Variants in FAM174B observed in about 807,000 individuals in gnomAD.
The protein encoded by FAM174B is membrane protein FAM174B.
FAM174B carries 12 observed loss-of-function variants against 10.9 expected under a neutral mutation model. That is an observed-to-expected ratio of 1.10 (90% CI 0.71 to 1.79). The LOEUF (loss-of-function observed/expected upper bound fraction) is 1.79. Among genes scored for constraint, FAM174B ranks in the 40% most tolerant of loss-of-function variants. The pLI, the probability that FAM174B is intolerant of heterozygous loss-of-function variation, is 0.00. For synonymous variants in FAM174B, 132 were observed against 115.8 expected, an observed-to-expected ratio of 1.14 and a Z score of -0.90; for missense variants, 266 against 233.3, an observed-to-expected ratio of 1.14 and a Z score of -0.91.
At chr15:92,652,079 A>G (rs1266104785) in intron 1 of FAM174B, among the ~76,000 whole-genome samples, 1 of 152,246 alleles carries the variant, frequency 6.6e-6, no homozygotes. Flanking sequence ...GAGAGACATC[A>G]GCAATGTAAA....
chr15:92,632,117 G>C (rs1336487672), intron 1 of FAM174B, among the ~76,000 whole-genome samples: 1 of 152,202 alleles, frequency 6.6e-6, no homozygotes, highest in African/African-American at 2.4e-5. Context: ...AATTAAATAC[G>C]CTACATCATT....
intron 1 of FAM174B, among the ~76,000 whole-genome samples, chr15:92,647,808 A>C (rs1395155813): frequency 6.6e-6 from 1 of 152,212 alleles, no homozygotes; most frequent in Admixed American, 6.5e-5. Context: ...ATCTTCATTA[A>C]TGCAGCTAGG....
chr15:92,619,838 C>A (rs1248220636), intron 2 of FAM174B: 10 of 266,086 alleles, frequency 3.8e-5, no homozygotes, highest in Non-Finnish European at 7.2e-6. Context: ...ACGGTGATAA[C>A]TCCTCAACCC....
chr15:92,625,801 A>G (rs1435689801), intron 2 of FAM174B, among the ~76,000 whole-genome samples: 1 of 152,260 alleles, frequency 6.6e-6, no homozygotes, highest in Non-Finnish European at 1.5e-5. Flanking sequence ...CTGTAATAAG[A>G]AAAGCCAGCA....
At chr15:92,625,688 C>G (rs945654420) in intron 2 of FAM174B, among the ~76,000 whole-genome samples, 2 of 152,186 alleles carry the variant, frequency 1.3e-5, no homozygotes, top group African/African-American at 4.8e-5. Flanking sequence ...AGTTTCACAT[C>G]TATATACTCA....
rs139607116 is a variant in FAM174B at position 92,632,283 on chromosome 15, G to A, written c.345-1938C>T. Reference sequence around the variant, plus strand: ...CTCTCGGCCGGGTGCGGTGGCTCACGCCTGTAATCCTAGCACTTTGGGAGG... The same window carrying A: ...CTCTCGGCCGGGTGCGGTGGCTCACACCTGTAATCCTAGCACTTTGGGAGG... On this transcript the variant is annotated intron_variant, in intron 1 of 2. Coordinates refer to ENST00000327355, the MANE Select transcript of FAM174B (RefSeq NM_207446.3). Among the ~76,000 whole-genome samples the A allele has an allele frequency of 9.5e-3, 1,444 of 152,260 alleles. 36 individuals carry two copies. The highest frequency in any genetic ancestry group is 0.032 in the African/African-American group (1,350 of 41,546).
chr15:92,636,728 G>C (rs546192066), intron 1 of FAM174B, among the ~76,000 whole-genome samples: 1 of 152,184 alleles, frequency 6.6e-6, no homozygotes, highest in Admixed American at 6.5e-5. Flanking sequence ...GGGTGCTCCA[G>C]CTGAGACCTC....
intron 1 of FAM174B, among the ~76,000 whole-genome samples, chr15:92,641,659 T>G (rs2050892864): frequency 6.6e-6 from 1 of 151,874 alleles, no homozygotes; most frequent in Non-Finnish European, 1.5e-5. Flanking sequence ...AAAAATTACC[T>G]CAAAATGGAA....
intron 2 of FAM174B, among the ~76,000 whole-genome samples, chr15:92,620,829 A>AT (rs1203158426): frequency 2.0e-5 from 3 of 151,384 alleles, no homozygotes; most frequent in Non-Finnish European, 4.4e-5. Context: ...AAAAAAAAAA[A>AT]AAAAAAAAAC....
intron 1 of FAM174B, 61 bp from the exon 2 acceptor site, chr15:92,630,406 C>G: frequency 2.0e-6 from 3 of 1,527,070 alleles, no homozygotes; most frequent in Non-Finnish European, 2.7e-6. Flanking sequence ...CACTGGGCCC[C>G]AAGCCCCAGA....
intron 1 of FAM174B, among the ~76,000 whole-genome samples, chr15:92,647,225 G>A (rs2050934280): frequency 6.6e-6 from 1 of 152,164 alleles, no homozygotes; most frequent in South Asian, 2.1e-4. Flanking sequence ...AGCAAAGCTT[G>A]CTTCACCCAT....
Position 92,617,885 on chromosome 15 carries a change from A to G in FAM174B, c.*1571T>C, listed in dbSNP as rs766910755. On this transcript the variant is annotated 3_prime_UTR_variant, in exon 3 of 3. Transcript: ENST00000327355. Reference sequence around the variant, plus strand: ...ACACGCAGGCCCCCCGTGGCTGGCAATACCATGCGTGCTGGGCCGGCTGCG... The same window carrying G: ...ACACGCAGGCCCCCCGTGGCTGGCAGTACCATGCGTGCTGGGCCGGCTGCG... 59 of 454,990 alleles carry G rather than the reference A, an allele frequency of 1.3e-4. No individual in the cohort carries two copies. Among genetic ancestry groups the G allele is most frequent in the Non-Finnish European group, 2.2e-4 (57 of 259,854 alleles). The allele number at this position is 454,990 out of a possible 1,614,324, so 28.2% of individuals were successfully genotyped here. A position where few individuals can be genotyped will look rare whatever the true frequency, so the allele number is the denominator to read the frequency against.
At chr15:92,635,090 C>T (rs893086716) in intron 1 of FAM174B, among the ~76,000 whole-genome samples, 6 of 146,108 alleles carry the variant, frequency 4.1e-5, no homozygotes, top group Non-Finnish European at 6.1e-5. Context: ...TGATTCCTTA[C>T]GATAAGCCTC....
At chr15:92,649,225 G>T (rs1212337818) in intron 1 of FAM174B, among the ~76,000 whole-genome samples, 1 of 152,228 alleles carries the variant, frequency 6.6e-6, no homozygotes, top group African/African-American at 2.4e-5. Context: ...TTAAATTAAA[G>T]AGGGATTTTC....
At chr15:92,638,687 G>T (rs1398148938) in intron 1 of FAM174B, among the ~76,000 whole-genome samples, 3 of 152,164 alleles carry the variant, frequency 2.0e-5, no homozygotes, top group African/African-American at 7.2e-5. Flanking sequence ...TTCCTGCCAG[G>T]TGTGGTCCGG....
At position 92,631,327 on chromosome 15, in the gene FAM174B, TAATATATTA is replaced by T. The variant is rs1567045313; in HGVS notation, c.345-991_345-983del. 3.8e-3 allele frequency among the ~76,000 whole-genome samples: 13 copies of T among 3,442 alleles called. 1 individual carries two copies. Among genetic ancestry groups the T allele is most frequent in the Non-Finnish European group, 8.2e-3 (12 of 1,458 alleles). The allele number at this position is 3,442 out of a possible 152,430, so 2.3% of individuals were successfully genotyped here. A position where few individuals can be genotyped will look rare whatever the true frequency, so the allele number is the denominator to read the frequency against. On this transcript the variant is annotated intron_variant, in intron 1 of 2. Coordinates refer to ENST00000327355, the MANE Select transcript of FAM174B (RefSeq NM_207446.3). ...AATATATTATATATAATATTATATA[TAATATATTA>T]TATATTATATATAATATATTATATA...
chr15:92,628,889 A>G (rs969925065), intron 2 of FAM174B, among the ~76,000 whole-genome samples: 1 of 152,270 alleles, frequency 6.6e-6, no homozygotes, highest in Admixed American at 6.5e-5. Flanking sequence ...ATTTATACAT[A>G]AATTTTTTAA....
At chr15:92,646,729 C>T (rs566729842) in intron 1 of FAM174B, among the ~76,000 whole-genome samples, 9 of 152,340 alleles carry the variant, frequency 5.9e-5, no homozygotes, top group Admixed American at 1.3e-4. Context: ...TTGGTCTCCA[C>T]ACCCACTTAT....
rs1431803913 is a variant in FAM174B at position 92,650,151 on chromosome 15, T to C, written c.344+5165A>G. The stretch of plus-strand genomic sequence containing the variant: ...ATGCTAAAAGTATTAAGCTTTTATA[T>C]TTTCTTTTAAATAACTTTTCTTATA... On this transcript the variant is annotated intron_variant, in intron 1 of 2. Transcript: ENST00000327355. Among the ~76,000 whole-genome samples, 6 of 152,350 alleles carry C rather than the reference T, an allele frequency of 3.9e-5. No individual in the cohort carries two copies. In the South Asian group the frequency reaches 1.0e-3, roughly 26 times the overall value.
Sources: gnomAD v4.1 joint callset for allele counts (sites outside exome capture counted in the v4.1 genomes callset) on GRCh38, gnomAD v4.1.1 for gene constraint, MANE v1.5 for transcripts, NCBI Gene and HGNC (gene_info 2026-07-23, HGNC 2026-07-21) for gene names.